Variants in GNB4 observed in about 807,000 individuals in gnomAD.
The protein encoded by GNB4 is guanine nucleotide-binding protein subunit beta-4.
Under a neutral mutation model 45.2 loss-of-function variants are expected in GNB4, and 28 were observed. That is an observed-to-expected ratio of 0.62 (90% confidence interval 0.46 to 0.85). GNB4 has a LOEUF of 0.85. Among genes scored for constraint, GNB4 ranks in the 40% least tolerant of loss-of-function variants. The pLI is 0.00. For synonymous variants in GNB4, 132 were observed against 143.7 expected, an observed-to-expected ratio of 0.92 and a Z score of 0.58; for missense variants, 321 against 425.4, an observed-to-expected ratio of 0.75 and a Z score of 2.16.
At chr3:179,449,357 T>C (rs1423524797) in intron 1 of GNB4, among the ~76,000 whole-genome samples, 3 of 152,160 alleles carry the variant, frequency 2.0e-5, no homozygotes, top group Non-Finnish European at 4.4e-5. Flanking sequence ...GAATGGCTGA[T>C]GTGAGAAGCT....
the GNB4 span, among the ~76,000 whole-genome samples, chr3:179,494,939 A>G: frequency 6.7e-6 from 1 of 150,358 alleles, no homozygotes; most frequent in African/African-American, 2.4e-5. Context: ...AAAGGAAGGA[A>G]GGAAGGAAAA....
At chr3:179,470,557 A>AT in the GNB4 span, among the ~76,000 whole-genome samples, 1 of 150,518 alleles carries the variant, frequency 6.6e-6, no homozygotes, top group Admixed American at 6.6e-5. Flanking sequence ...TATATATATA[A>AT]TTTTTTTAAT....
intron 1 of GNB4, among the ~76,000 whole-genome samples, chr3:179,442,285 A>T (rs1167873816): frequency 7.9e-5 from 12 of 152,222 alleles, no homozygotes; most frequent in Non-Finnish European, 1.6e-4. Flanking sequence ...ACTATTGTCC[A>T]TGAATTCATT....
the GNB4 span, among the ~76,000 whole-genome samples, chr3:179,513,137 T>C: frequency 4.6e-5 from 7 of 151,646 alleles, no homozygotes; most frequent in Admixed American, 4.0e-4. Context: ...TTACATATAC[T>C]TAAAATTTTT....
At chr3:179,520,361 C>T in the GNB4 span, among the ~76,000 whole-genome samples, 1 of 152,146 alleles carries the variant, frequency 6.6e-6, no homozygotes, top group Non-Finnish European at 1.5e-5. Context: ...ACCCCAATCC[C>T]TTCTACAAAA....
intron 1 of GNB4, among the ~76,000 whole-genome samples, chr3:179,449,884 A>C (rs1167657981): frequency 2.0e-5 from 3 of 152,252 alleles, no homozygotes; most frequent in African/African-American, 7.2e-5. Flanking sequence ...AAATTGCCCC[A>C]GAGTCTATTT....
At chr3:179,425,367 T>C (rs1330393074) in intron 2 of GNB4, among the ~76,000 whole-genome samples, 1 of 152,230 alleles carries the variant, frequency 6.6e-6, no homozygotes, top group Non-Finnish European at 1.5e-5. Context: ...TAGTGTCTGT[T>C]AATTTTGTTA....
the GNB4 span, among the ~76,000 whole-genome samples, chr3:179,489,613 C>T: frequency 4.6e-5 from 7 of 152,082 alleles, no homozygotes; most frequent in African/African-American, 1.7e-4. Flanking sequence ...TCTATTCTAG[C>T]CTGGGTGACA....
At chr3:179,443,640 C>T (rs1053995651) in intron 1 of GNB4, among the ~76,000 whole-genome samples, 1 of 152,152 alleles carries the variant, frequency 6.6e-6, no homozygotes, top group Non-Finnish European at 1.5e-5. Flanking sequence ...AGCCATAATG[C>T]CTACCTATAA....
chr3:179,511,940 T>G, the GNB4 span, among the ~76,000 whole-genome samples: 1 of 152,192 alleles, frequency 6.6e-6, no homozygotes, highest in African/African-American at 2.4e-5. Context: ...GTACTTGAAA[T>G]GAGGCTAGCA....
intron 2 of GNB4, among the ~76,000 whole-genome samples, chr3:179,424,273 C>T (rs1393656987): frequency 6.6e-6 from 1 of 152,214 alleles, no homozygotes; most frequent in Admixed American, 6.5e-5. Context: ...ATCAGCTGCT[C>T]CTGCTCAGCA....
At chr3:179,512,577 A>G in the GNB4 span, among the ~76,000 whole-genome samples, 2 of 152,232 alleles carry the variant, frequency 1.3e-5, no homozygotes, top group African/African-American at 4.8e-5. Context: ...CTGAATTTAA[A>G]TGGCTTGCTT....
intron 1 of GNB4, among the ~76,000 whole-genome samples, chr3:179,432,453 C>G (rs191622833): frequency 1.3e-5 from 2 of 152,034 alleles, no homozygotes; most frequent in African/African-American, 4.8e-5. Context: ...CCTGAGAATA[C>G]CAATAAAGCA....
At chr3:179,402,876 A>G (rs1714343491) in intron 9 of GNB4, among the ~76,000 whole-genome samples, 1 of 152,314 alleles carries the variant, frequency 6.6e-6, no homozygotes, top group South Asian at 2.1e-4. Context: ...CAGGTGACAG[A>G]TCATCCTGCG....
At chr3:179,467,459 C>T in the GNB4 span, among the ~76,000 whole-genome samples, 1 of 152,088 alleles carries the variant, frequency 6.6e-6, no homozygotes, top group Non-Finnish European at 1.5e-5. Flanking sequence ...TTACTGAGAG[C>T]TTTCTATGGA....
the GNB4 span, among the ~76,000 whole-genome samples, chr3:179,469,746 C>T: frequency 6.6e-6 from 1 of 152,204 alleles, no homozygotes. Flanking sequence ...TCTCTTTCCA[C>T]CACAGTGTTA....
chr3:179,448,351 A>G (rs2108624087), intron 1 of GNB4, among the ~76,000 whole-genome samples: 1 of 152,292 alleles, frequency 6.6e-6, no homozygotes. Flanking sequence ...TCAATCCTAT[A>G]ATGCACACAA....
At chr3:179,482,403 G>A in the GNB4 span, among the ~76,000 whole-genome samples, 10 of 152,182 alleles carry the variant, frequency 6.6e-5, no homozygotes, top group Middle Eastern at 3.4e-3. Context: ...TGGTGATGAC[G>A]CAAGCGGTTA....
At chr3:179,423,935 T>C (rs542740548) in intron 2 of GNB4, among the ~76,000 whole-genome samples, 1 of 150,994 alleles carries the variant, frequency 6.6e-6, no homozygotes, top group African/African-American at 2.4e-5. Flanking sequence ...TGAGAAAGAG[T>C]AATGCGTGTT....
Sources: gnomAD v4.1 joint callset for allele counts (sites outside exome capture counted in the v4.1 genomes callset) on GRCh38, gnomAD v4.1.1 for gene constraint, MANE v1.5 for transcripts, NCBI Gene and HGNC (gene_info 2026-07-23, HGNC 2026-07-21) for gene names.